CFAP47: variants seen among roughly 807,000 people sequenced by gnomAD.
CFAP47 encodes the protein cilia and flagella associated protein 47.
Under a neutral mutation model 148.1 loss-of-function variants are expected in CFAP47, and 29 were observed. The ratio of observed to expected loss-of-function variants is 0.20; its 90% CI spans 0.15 to 0.27. CFAP47 has a LOEUF of 0.27. Among genes scored for constraint, CFAP47 ranks in the 10% least tolerant of loss-of-function variants. The pLI is 1.00. For missense variants in CFAP47, 1,872 were observed against 1,697.5 expected (o/e 1.10, Z -1.81); for synonymous variants, 664 against 577.3 (o/e 1.15, Z -2.15).
chrX:36,099,681 GA>G (rs995110300), intron 31 of CFAP47, 69 bp from the exon 32 acceptor site: 145 of 447,183 alleles, frequency 3.2e-4, no homozygotes, highest in Admixed American at 5.1e-4. Flanking sequence ...CACATGTTTT[GA>G]AAAAAAAAAC....
At chrX:36,072,644 A>G (rs889247153) in intron 28 of CFAP47, among the ~76,000 whole-genome samples, 2 of 111,731 alleles carry the variant, frequency 1.8e-5, no homozygotes, top group African/African-American at 3.2e-5. Flanking sequence ...ATATTTTTGG[A>G]AAAAAAAGAT....
chrX:36,242,938 A>G, intron 48 of CFAP47, among the ~76,000 whole-genome samples: 1 of 111,703 alleles, frequency 9.0e-6, no homozygotes, highest in Non-Finnish European at 1.9e-5. Context: ...GTGAAAGGTT[A>G]GGGCACATAG....
chrX:36,099,847 G>A lies in CFAP47; in HGVS notation c.5095G>A (p.Ala1699Thr). Residue 1699 changes from alanine to threonine, a missense_variant, in exon 32 of 64, where the codon GCA (alanine) becomes ACA (threonine). Transcript: ENST00000378653. ...MSKFEAWSKR[A>T]WTDVFLQIYK... is the part of the protein sequence containing the mutation. ...TAAATTTGAAGCCTGGAGTAAACGG[G>A]CATGGACAGATGTATTTCTACAGAT... 1 of 984,829 alleles carries A rather than the reference G, an allele frequency of 1.0e-6. No homozygotes were observed. Among genetic ancestry groups the A allele is most frequent in the South Asian group, 2.0e-5 (1 of 50,390 alleles). 81.2% of individuals were successfully genotyped at this position (984,829 alleles called of 1,213,427 possible).
chrX:36,017,866 A>G (rs1008044579), intron 22 of CFAP47, among the ~76,000 whole-genome samples: 1 of 111,318 alleles, frequency 9.0e-6, no homozygotes, highest in Non-Finnish European at 1.9e-5. Context: ...GTGGTTCCAT[A>G]TAAATTTTAG....
At chrX:36,047,088 T>A in intron 26 of CFAP47, 25 bp downstream of exon 26, 1 of 956,831 alleles carries the variant, frequency 1.0e-6, no homozygotes, top group Middle Eastern at 2.7e-4. Context: ...TGTACATTAT[T>A]TTGTATCTGA....
intron 13 of CFAP47, among the ~76,000 whole-genome samples, chrX:35,974,197 A>G (rs1292241958): frequency 8.9e-6 from 1 of 112,221 alleles, no homozygotes; most frequent in East Asian, 2.8e-4. Flanking sequence ...TGAGAAGTAT[A>G]TTTGAGCAGA....
At chrX:36,233,612 A>G (rs1290046479) in intron 46 of CFAP47, among the ~76,000 whole-genome samples, 1 of 111,745 alleles carries the variant, frequency 8.9e-6, no homozygotes, top group African/African-American at 3.3e-5. Flanking sequence ...TAGTCCATTT[A>G]CATTTAAGGT....
At chrX:36,259,543 TA>T (rs1355602328) in intron 49 of CFAP47, among the ~76,000 whole-genome samples, 3 of 111,181 alleles carry the variant, frequency 2.7e-5, no homozygotes, top group East Asian at 2.8e-4. Flanking sequence ...TAGGTACTAT[TA>T]TTTTTTTTGT....
intron 60 of CFAP47, among the ~76,000 whole-genome samples, chrX:36,359,062 G>A (rs1157506188): frequency 2.7e-5 from 3 of 112,004 alleles, no homozygotes; most frequent in African/African-American, 6.5e-5. Flanking sequence ...AGAATTAGAC[G>A]TCTCATGTCA....
chrX:36,318,240 G>T (rs1941452475), intron 56 of CFAP47, among the ~76,000 whole-genome samples: 2 of 112,278 alleles, frequency 1.8e-5, no homozygotes, highest in South Asian at 7.2e-4. Context: ...AAAATAACCA[G>T]TTAGCACTAT....
At chrX:36,257,964 T>C (rs1487444155) in intron 49 of CFAP47, among the ~76,000 whole-genome samples, 1 of 112,188 alleles carries the variant, frequency 8.9e-6, no homozygotes, top group African/African-American at 3.2e-5. Flanking sequence ...CCATGACTGT[T>C]AGTAGCCTGG....
At position 35,970,902 on chromosome X, in the gene CFAP47, T is replaced by G. The variant is rs1286731988; in HGVS notation, c.1949T>G (p.Leu650Trp). The G allele has an allele frequency of 1.7e-6, 2 of 1,194,241 alleles. No homozygotes were observed. The highest frequency in any genetic ancestry group is 1.1e-6 in the Non-Finnish European group (1 of 887,784). The change falls in exon 11 of 64, where the codon TTG becomes TGG. Residue 650 changes from leucine to tryptophan, a missense_variant. By Grantham distance (61) the Leu-to-Trp change is moderately conservative. Transcript: ENST00000378653. ...MYLKYLRSVR[L>W]QKKQAERERM... ...CTTAAATATTTAAGAAGTGTGCGCT[T>G]GCAGAAGAAACAAGCAGAGAGGTAA...
chrX:36,106,612 C>T (rs747381951), intron 33 of CFAP47, among the ~76,000 whole-genome samples: 1 of 111,559 alleles, frequency 9.0e-6, no homozygotes, highest in Admixed American at 9.6e-5. Context: ...GATAAACTCC[C>T]TCCATCAAAG....
intron 35 of CFAP47, 104 bp downstream of exon 35, chrX:36,138,568 G>A: frequency 1.1e-5 from 10 of 884,969 alleles, no homozygotes; most frequent in Non-Finnish European, 1.5e-5. Flanking sequence ...AATTTAAATT[G>A]AAACAGGCTT....
intron 35 of CFAP47, among the ~76,000 whole-genome samples, chrX:36,143,860 C>G (rs1181904806): frequency 1.8e-5 from 2 of 111,216 alleles, no homozygotes; most frequent in African/African-American, 6.6e-5. Flanking sequence ...TTCAACTGCC[C>G]CCTACCTGAT....
At chrX:36,335,162 A>G (rs186519477) in intron 57 of CFAP47, among the ~76,000 whole-genome samples, 1 of 111,017 alleles carries the variant, frequency 9.0e-6, no homozygotes, top group East Asian at 2.8e-4. Context: ...TCTCTCTCCA[A>G]AATACTTTGT....
intron 57 of CFAP47, among the ~76,000 whole-genome samples, chrX:36,339,959 T>A (rs1450878990): frequency 8.9e-6 from 1 of 111,974 alleles, no homozygotes; most frequent in Non-Finnish European, 1.9e-5. Flanking sequence ...GTTGCATGCA[T>A]GAGTAATGTG....
intron 56 of CFAP47, among the ~76,000 whole-genome samples, chrX:36,311,621 C>T (rs1941394884): frequency 9.0e-6 from 1 of 110,548 alleles, no homozygotes; most frequent in South Asian, 3.7e-4. Context: ...ATTATTAGTG[C>T]AATTATTGGG....
chrX:36,223,836 A>G (rs1388437997), intron 45 of CFAP47, among the ~76,000 whole-genome samples: 1 of 111,104 alleles, frequency 9.0e-6, no homozygotes, highest in Non-Finnish European at 1.9e-5. Flanking sequence ...GAAAATAAAA[A>G]TTTTTGAAAG....
Sources: allele counts gnomAD v4.1 joint callset (sites outside exome capture counted in the v4.1 genomes callset), GRCh38; gene constraint gnomAD v4.1.1; transcripts MANE v1.5; gene names NCBI Gene and HGNC (gene_info 2026-07-23, HGNC 2026-07-21).